SLC2A5: variants seen among roughly 807,000 people sequenced by gnomAD.
SLC2A5 encodes the protein solute carrier family 2 member 5, also known as solute carrier family 2, facilitated glucose transporter member 5.
A neutral mutation model predicts 50.3 loss-of-function variants in SLC2A5; 56 were observed. The observed-to-expected ratio is 1.11, with a 90% CI of 0.90 to 1.39. SLC2A5 has a LOEUF of 1.39. Among genes scored for constraint, SLC2A5 ranks in the 40% most tolerant of loss-of-function variants. The pLI, the probability that SLC2A5 is intolerant of heterozygous loss-of-function variation, is 0.00. For synonymous variants in SLC2A5, 269 were observed against 281.9 expected (o/e 0.95, Z 0.46); for missense variants, 566 against 650.1 (o/e 0.87, Z 1.41).
At chr1:9,069,698 C>T, upstream of SLC2A5, 2 of 714,544 alleles carry the variant, frequency 2.8e-6, no homozygotes, top group Non-Finnish European at 4.7e-6. Context: ...TTTCAGGAAC[C>T]TGGTCTTCCT....
chr1:9,090,817 C>A (rs556758028), upstream of SLC2A5, among the ~76,000 whole-genome samples: 1 of 152,216 alleles, frequency 6.6e-6, no homozygotes, highest in East Asian at 1.9e-4. Flanking sequence ...TAGACCTCTC[C>A]CAACTACCTC....
intron 2 of SLC2A5, 70 bp from the exon 3 acceptor site, chr1:9,057,678 A>G: frequency 7.3e-7 from 1 of 1,378,858 alleles, no homozygotes; most frequent in Non-Finnish European, 1.0e-6. Flanking sequence ...ATTAGCTGTT[A>G]GGACACCCAA....
At chr1:9,061,562 C>T (rs2986631) in intron 1 of SLC2A5, among the ~76,000 whole-genome samples, 49,296 of 148,596 alleles carry the variant, frequency 0.33, 8,490 homozygotes, top group African/African-American at 0.43. Flanking sequence ...GCTATGGTTG[C>T]ACCACTGCAC....
chr1:9,035,279 C>T lies in SLC2A5; in HGVS notation c.*2307G>A, dbSNP rs1285540166. The stretch of plus-strand genomic sequence containing the variant: ...TCCAGAACCATGAACTTCATAGCCT[C>T]CCCTGTGTTAGAGGTGCTGCAGTTT... On this transcript the variant is annotated 3_prime_UTR_variant, in exon 12 of 12. Transcript: ENST00000377424. The T allele has an allele frequency of 6.6e-6, 1 of 152,218 alleles. No individual in the cohort carries two copies. Among genetic ancestry groups the T allele is most frequent in the East Asian group, 1.9e-4 (1 of 5,204 alleles). The allele number at this position is 152,218 out of a possible 1,614,324, so 9.4% of individuals were successfully genotyped here. A position where few individuals can be genotyped will look rare whatever the true frequency, so the allele number is the denominator to read the frequency against.
chr1:9,090,057 A>G (rs1368696837), upstream of SLC2A5, among the ~76,000 whole-genome samples: 1 of 152,056 alleles, frequency 6.6e-6, no homozygotes, highest in Non-Finnish European at 1.5e-5. Context: ...GAAACAAAAC[A>G]CTGCCACTAT....
chr1:9,078,823 C>T (rs901871256), intron 2 of SLC2A5, among the ~76,000 whole-genome samples: 1 of 152,176 alleles, frequency 6.6e-6, no homozygotes, highest in East Asian at 1.9e-4. Context: ...ATAAATTTTG[C>T]GAACCTCACA....
At chr1:9,045,982 T>G (rs1010166178) in intron 4 of SLC2A5, among the ~76,000 whole-genome samples, 5 of 152,070 alleles carry the variant, frequency 3.3e-5, no homozygotes, top group African/African-American at 1.2e-4. Context: ...TTGGCATGAC[T>G]TAGTCTCTGT....
rs1162696230 is a variant in SLC2A5, at chr1:9,040,269, C to T, written c.572-80G>A. ...CCCTCTGCAGAGCCGGCCCCAGCCC[C>T]GTCATCCTGAGTGGGGTGCAGGCTC... On this transcript the variant is annotated intron_variant, in intron 5 of 11. Transcript: ENST00000377424. This position sits in a 1 kb window ranked among gnomAD's most constrained non-coding sequence, Gnocchi z 4.3. 6.7e-6 allele frequency: 10 copies of T among 1,491,356 alleles called. No individual in the cohort carries two copies. Among genetic ancestry groups the T allele is most frequent in the Non-Finnish European group, 7.1e-6 (8 of 1,122,026 alleles). 92.4% of individuals were successfully genotyped at this position (1,491,356 alleles called of 1,614,324 possible).
At chr1:9,093,464 CTT>C (rs961592080), upstream of SLC2A5, among the ~76,000 whole-genome samples, 1 of 152,084 alleles carries the variant, frequency 6.6e-6, no homozygotes, top group Non-Finnish European at 1.5e-5. Flanking sequence ...GCTTATGTCT[CTT>C]TGTCTCCCAA....
rs1641268932 is a variant in SLC2A5 at position 9,040,386 on chromosome 1, C to A, written c.572-197G>T. On this transcript the variant is annotated intron_variant, in intron 5 of 11. Coordinates refer to ENST00000377424, the MANE Select transcript of SLC2A5 (RefSeq NM_003039.3). The surrounding 1 kb of genome is among the most constrained non-coding windows in gnomAD (Gnocchi z 4.3). The stretch of plus-strand genomic sequence containing the variant: ...TGCAGCAGGGATCAGCAGCGACGCA[C>A]CCCTGCGCCCATCAGACAGACCACA... 1.3e-5 allele frequency: 8 copies of A among 634,228 alleles called. No individual in the cohort carries two copies. The South Asian group carries it at 1.4e-4, about 11-fold the overall frequency. 39.3% of individuals were successfully genotyped at this position (634,228 alleles called of 1,614,324 possible). A position where few individuals can be genotyped will look rare whatever the true frequency, so the allele number is the denominator to read the frequency against.
At chr1:9,050,822 T>G (rs535414133) in intron 3 of SLC2A5, among the ~76,000 whole-genome samples, 13 of 152,004 alleles carry the variant, frequency 8.6e-5, no homozygotes, top group Non-Finnish European at 1.8e-4. Flanking sequence ...TGATTTGAGA[T>G]AAAAATGTCA....
chr1:9,057,650 C>T (rs199797243), intron 2 of SLC2A5, 42 bp from the exon 3 acceptor site: 50 of 1,583,628 alleles, frequency 3.2e-5, no homozygotes, highest in East Asian at 1.1e-4. Flanking sequence ...TAATTTGATC[C>T]GGTTTTGCAA....
chr1:9,042,045 T>G, intron 4 of SLC2A5, 108 bp from the exon 5 acceptor site: 1 of 1,409,104 alleles, frequency 7.1e-7, no homozygotes, highest in Non-Finnish European at 9.3e-7. Flanking sequence ...GCCAGAACTC[T>G]CTCAAAACTG....
At chr1:9,082,525 G>A (rs1485690780) in intron 2 of SLC2A5, among the ~76,000 whole-genome samples, 1 of 152,076 alleles carries the variant, frequency 6.6e-6, no homozygotes, top group Non-Finnish European at 1.5e-5. Flanking sequence ...TCTAGCCTTG[G>A]CAACATAGGG....
At chr1:9,089,418 C>T (rs1192714941), upstream of SLC2A5, among the ~76,000 whole-genome samples, 2 of 152,164 alleles carry the variant, frequency 1.3e-5, no homozygotes, top group African/African-American at 4.8e-5. Context: ...TCCCAATCTG[C>T]CCCAGATATC....
chr1:9,063,872 T>C lies in SLC2A5; in HGVS notation c.34-5622A>G, dbSNP rs1569896779. Among the ~76,000 whole-genome samples the C allele has an allele frequency of 3.5e-5, 5 of 144,086 alleles. No homozygotes were observed. The South Asian group carries it at 1.1e-3, about 32-fold the overall frequency. 94.5% of individuals were successfully genotyped at this position (144,086 alleles called of 152,430 possible). A position where few individuals can be genotyped will look rare whatever the true frequency, so the allele number is the denominator to read the frequency against. On this transcript the variant is annotated intron_variant, in intron 1 of 11. Coordinates refer to ENST00000377424, the MANE Select transcript of SLC2A5 (RefSeq NM_003039.3). The stretch of plus-strand genomic sequence containing the variant: ...TACCACGCCCGGCTAATTTTTTGTA[T>C]TTTTAGTAGAGACGGGGTTTCACCG...
chr1:9,038,391 G>T (rs751344911), intron 10 of SLC2A5, 40 bp downstream of exon 10: 15 of 1,460,722 alleles, frequency 1.0e-5, no homozygotes, highest in Non-Finnish European at 1.2e-5. Context: ...CTGGGACCAG[G>T]GGGGGTTGTG....
intron 3 of SLC2A5, among the ~76,000 whole-genome samples, chr1:9,051,929 C>T (rs1259268665): frequency 2.0e-5 from 3 of 152,116 alleles, no homozygotes; most frequent in African/African-American, 7.2e-5. Flanking sequence ...GTGGTACAAC[C>T]AGACAATGAA....
chr1:9,076,815 G>A (rs893649721), intron 2 of SLC2A5, among the ~76,000 whole-genome samples: 5 of 150,782 alleles, frequency 3.3e-5, no homozygotes, highest in Non-Finnish European at 5.9e-5. Context: ...TTGAGATGCA[G>A]TCTCACTCTT....
Sources: gnomAD v4.1 joint callset for allele counts (sites outside exome capture counted in the v4.1 genomes callset) on GRCh38, gnomAD v4.1.1 for gene constraint, Gnocchi (gnomAD v3.1) non-coding constraint, MANE v1.5 for transcripts, NCBI Gene and HGNC (gene_info 2026-07-23, HGNC 2026-07-21) for gene names.